MARK2: variants seen among roughly 807,000 people sequenced by gnomAD.
The protein encoded by MARK2 is serine/threonine-protein kinase MARK2.
Under a neutral mutation model 89.8 loss-of-function variants are expected in MARK2, and 16 were observed. That is an observed-to-expected ratio of 0.18 (90% CI 0.12 to 0.27). The LOEUF is 0.27. Among genes scored for constraint, MARK2 ranks in the 10% least tolerant of loss-of-function variants. The probability of loss-of-function intolerance (pLI) is 1.00; values close to 1 mark genes in which losing one functional copy is unlikely to be tolerated. For synonymous variants in MARK2, 382 were observed against 399.5 expected, an observed-to-expected ratio of 0.96 and a Z score of 0.52; for missense variants, 621 against 1,049.9, an observed-to-expected ratio of 0.59 and a Z score of 5.65.
chr11:63,849,382 A>C (rs2016449068), intron 1 of MARK2, among the ~76,000 whole-genome samples: 1 of 152,190 alleles, frequency 6.6e-6, no homozygotes, highest in African/African-American at 2.4e-5. Flanking sequence ...TGTTGAGCTT[A>C]TGGCACAGCT....
intron 1 of MARK2, among the ~76,000 whole-genome samples, chr11:63,854,032 C>T (rs2016708008): frequency 6.6e-6 from 1 of 152,006 alleles, no homozygotes; most frequent in Non-Finnish European, 1.5e-5. Context: ...GCCACCACGC[C>T]TGGCTAATTT....
intron 1 of MARK2, among the ~76,000 whole-genome samples, chr11:63,873,831 GAGAC>G (rs1442949314): frequency 6.6e-6 from 1 of 152,186 alleles, no homozygotes; most frequent in Non-Finnish European, 1.5e-5. Context: ...TTTTTAATAA[GAGAC>G]AGAGCTTCAC....
intron 1 of MARK2, chr11:63,888,978 C>G (rs998829469): frequency 3.0e-6 from 4 of 1,349,884 alleles, no homozygotes; most frequent in Non-Finnish European, 3.9e-6. Context: ...TGTTGTCCCC[C>G]TTTTTACTCT....
intron 1 of MARK2, among the ~76,000 whole-genome samples, chr11:63,863,275 A>G (rs1237333284): frequency 2.0e-5 from 3 of 152,102 alleles, no homozygotes; most frequent in Non-Finnish European, 4.4e-5. Flanking sequence ...GATATTCTAG[A>G]CATCTGCAGT....
chr11:63,909,065 T>C lies in MARK2; in HGVS notation c.2195T>C (p.Met732Thr). 6.2e-7 allele frequency: 1 copy of C among 1,611,628 alleles called. No individual in the cohort carries two copies. The highest frequency in any genetic ancestry group is 1.1e-5 in the South Asian group (1 of 91,044). ...CAGAGCGAGCTGCATGAGAAGTACA[T>C]GCTGCTGTGCATGCACGGCACGCCG... Reference protein sequence around the residue: ...SCQSELHEKYMLLCMHGTPGH... With the variant: ...SCQSELHEKYTLLCMHGTPGH... Residue 732 changes from methionine to threonine, a missense_variant, in exon 19 of 19, where the codon ATG (methionine) becomes ACG (threonine). Met to Thr is a moderately conservative substitution (Grantham distance 81, BLOSUM62 -1). Around this residue, in one of 5 missense-constraint regions of MARK2, gnomAD observed 49 missense variants for 46.7 expected, o/e 1.05. Transcript: ENST00000402010.
At chr11:63,882,968 C>T (rs1037218321) in intron 1 of MARK2, among the ~76,000 whole-genome samples, 3 of 152,318 alleles carry the variant, frequency 2.0e-5, no homozygotes, top group Admixed American at 1.3e-4. Context: ...CTGCCTACCC[C>T]CACCACCCCC....
Position 63,909,417 on chromosome 11 carries a change from C to T in MARK2, c.*180C>T. 1.6e-6 allele frequency: 1 copy of T among 609,974 alleles called. No homozygotes were observed. Among genetic ancestry groups the T allele is most frequent in the South Asian group, 2.4e-5 (1 of 41,692 alleles). The allele number at this position is 609,974 out of a possible 1,614,324, so 37.8% of individuals were successfully genotyped here. A position where few individuals can be genotyped will look rare whatever the true frequency, so the allele number is the denominator to read the frequency against. On this transcript the variant is annotated 3_prime_UTR_variant, in exon 19 of 19. Transcript: ENST00000402010. ...TGTTTGTGGGGGGTGGGAGATTGTT[C>T]TCCAGCACCCCACATTCACCCCTGC...
At chr11:63,868,483 G>C (rs1299945933) in intron 1 of MARK2, 1 of 257,506 alleles carries the variant, frequency 3.9e-6, no homozygotes, top group African/African-American at 2.2e-5. Flanking sequence ...ATCTTAAGTA[G>C]GTGTGGTAAT....
At chr11:63,894,589 G>A (rs567295431) in intron 1 of MARK2, among the ~76,000 whole-genome samples, 5 of 152,300 alleles carry the variant, frequency 3.3e-5, no homozygotes, top group South Asian at 2.1e-4. Context: ...CCAGCTACTC[G>A]GGAGGCTGAG....
chr11:63,875,789 G>T (rs1335036588), intron 1 of MARK2, among the ~76,000 whole-genome samples: 1 of 152,222 alleles, frequency 6.6e-6, no homozygotes, highest in Non-Finnish European at 1.5e-5. Context: ...CGCCAGAGAG[G>T]CTGCTGGATT....
chr11:63,864,190 G>A (rs987434924), intron 1 of MARK2, among the ~76,000 whole-genome samples: 2 of 151,850 alleles, frequency 1.3e-5, no homozygotes, highest in African/African-American at 4.8e-5. Context: ...TCCTGACCTC[G>A]TCATCTGCCT....
chr11:63,908,289 G>A lies in MARK2; in HGVS notation c.1991G>A (p.Arg664Gln), dbSNP rs1941509903. Residue 664 changes from arginine to glutamine, a missense_variant, in exon 18 of 19, where the codon CGA becomes CAA. By Grantham distance (43) the Arg-to-Gln change is conservative. Around this residue, in one of 5 missense-constraint regions of MARK2, gnomAD observed 397 missense variants for 567.8 expected, o/e 0.70. Transcript: ENST00000402010. ...CTGAATGAACCTGAAAGCAAAGACC[G>A]AGTGGAGACGCTCAGGTGAGAGGGC... ...RNLNEPESKD[R>Q]VETLRPHVVG... The A allele has an allele frequency of 3.8e-6, 6 of 1,564,510 alleles. No individual in the cohort carries two copies. Among genetic ancestry groups the A allele is most frequent in the African/African-American group, 2.7e-5 (2 of 73,856 alleles).
At position 63,888,707 on chromosome 11, in the gene MARK2, T is replaced by C; in HGVS notation, c.55-6452T>C. On this transcript the variant is annotated intron_variant, in intron 1 of 18. Coordinates refer to ENST00000402010, the MANE Select transcript of MARK2 (RefSeq NM_001039469.3). ...TTGCCAAACCCAGTCTCTCTGCTAGTGGTGGTTTCGGTTGCGACACCGTCC... is the reference window on the plus strand; with the variant it reads ...TTGCCAAACCCAGTCTCTCTGCTAGCGGTGGTTTCGGTTGCGACACCGTCC... 3 of 1,190,714 alleles carry C rather than the reference T, an allele frequency of 2.5e-6. No individual in the cohort carries two copies. In the South Asian group the frequency reaches 4.6e-5, roughly 18 times the overall value. 73.8% of individuals were successfully genotyped at this position (1,190,714 alleles called of 1,614,324 possible). A position where few individuals can be genotyped will look rare whatever the true frequency, so the allele number is the denominator to read the frequency against.
At chr11:63,843,659 C>T (rs2016132172) in intron 1 of MARK2, among the ~76,000 whole-genome samples, 1 of 151,470 alleles carries the variant, frequency 6.6e-6, no homozygotes, top group Admixed American at 6.6e-5. Context: ...GAGTCTTGCT[C>T]TGTCGCCCAG....
intron 1 of MARK2, among the ~76,000 whole-genome samples, chr11:63,860,546 T>C: frequency 7.9e-6 from 1 of 126,464 alleles, no homozygotes. Context: ...AGACTCCCTC[T>C]CAAAAAAAAA....
chr11:63,881,139 TA>T (rs879444353), intron 1 of MARK2, among the ~76,000 whole-genome samples: 2,660 of 138,788 alleles, frequency 0.019, 61 homozygotes, highest in African/African-American at 0.061. Flanking sequence ...TCCCGTCTAC[TA>T]AAAAAAAAAA....
Position 63,900,908 on chromosome 11 carries a change from G to A in MARK2, c.988+29G>A, listed in dbSNP as rs369860538. 1 of 1,613,074 alleles carries A rather than the reference G, an allele frequency of 6.2e-7. No homozygotes were observed. The highest frequency in any genetic ancestry group is 8.5e-7 in the Non-Finnish European group (1 of 1,179,118). On this transcript the variant is annotated intron_variant, in intron 10 of 18. Coordinates refer to ENST00000402010, the MANE Select transcript of MARK2 (RefSeq NM_001039469.3). This position sits in a 1 kb window ranked among gnomAD's most constrained non-coding sequence, Gnocchi z 4.7. ...AGGCTGTGCCGGGCTGTGAGGTTAAGCTTGCCTAGGAGTTGAGGCCAGTCT... is the reference window on the plus strand; with the variant it reads ...AGGCTGTGCCGGGCTGTGAGGTTAAACTTGCCTAGGAGTTGAGGCCAGTCT...
At chr11:63,895,779 C>T in intron 3 of MARK2, 146 bp downstream of exon 3, 1 of 736,506 alleles carries the variant, frequency 1.4e-6, no homozygotes, top group Non-Finnish European at 2.3e-6. Flanking sequence ...AAGCGATTCT[C>T]CCGCCTCAGC....
At position 63,898,298 on chromosome 11, in the gene MARK2, T is replaced by C; in HGVS notation, c.337+18T>C. 3.1e-6 allele frequency: 5 copies of C among 1,611,142 alleles called. No homozygotes were observed. Among genetic ancestry groups the C allele is most frequent in the Non-Finnish European group, 4.2e-6 (5 of 1,177,320 alleles). The stretch of plus-strand genomic sequence containing the variant: ...CAACATAGGTGAGCACAAGTTGTTA[T>C]TTCTTTCTTCTTCCCCAACAGCAAG... On this transcript the variant is annotated intron_variant, in intron 4 of 18. Transcript: ENST00000402010.
Sources: gnomAD v4.1 joint callset for allele counts (sites outside exome capture counted in the v4.1 genomes callset) on GRCh38, gnomAD v4.1.1 for gene constraint, gnomAD v4.1.1 regional missense constraint, Gnocchi (gnomAD v3.1) non-coding constraint, MANE v1.5 for transcripts, NCBI Gene and HGNC (gene_info 2026-07-23, HGNC 2026-07-21) for gene names.